THSD4: variants seen among roughly 807,000 people sequenced by gnomAD.
The protein encoded by THSD4 is thrombospondin type 1 domain containing 4.
Under a neutral mutation model 119.0 loss-of-function variants are expected in THSD4, and 69 were observed. That is an observed-to-expected ratio of 0.58 (90% CI 0.48 to 0.71). The LOEUF (loss-of-function observed/expected upper bound fraction) is 0.71, where lower values mean the gene tolerates loss of function less well. Among genes scored for constraint, THSD4 ranks in the 30% least tolerant of loss-of-function variants. The pLI, the probability that THSD4 is intolerant of heterozygous loss-of-function variation, is 0.00. For synonymous variants in THSD4, 524 were observed against 540.4 expected, an observed-to-expected ratio of 0.97 and a Z score of 0.42; for missense variants, 1,393 against 1,391.1, an observed-to-expected ratio of 1.00 and a Z score of -0.02.
At chr15:71,736,680 C>A (rs1377554901) in intron 10 of THSD4, among the ~76,000 whole-genome samples, 4 of 152,150 alleles carry the variant, frequency 2.6e-5, no homozygotes, top group African/African-American at 9.7e-5. Flanking sequence ...TCTCTCCTCT[C>A]TCTCTTTCTC....
In THSD4 at chr15:71,411,778, CT is replaced by C. The variant is rs1349946171; in HGVS notation, c.1108del (p.Cys370ValfsTer23). 1 of 1,614,152 alleles carries C rather than the reference CT, an allele frequency of 6.2e-7. No homozygotes were observed. Among genetic ancestry groups the C allele is most frequent in the African/African-American group, 1.3e-5 (1 of 75,048 alleles). On this transcript the variant is annotated frameshift_variant, in exon 7 of 18. Transcript: ENST00000261862. LOFTEE classifies it high-confidence loss of function. ...QAEKVIDGTP[C>X]DQNGTAICVS... ...CTGAGAAAGTCATCGATGGCACCCC[CT>C]GTGACCAGAACGGCACGGCCATCTG...
At chr15:71,758,216 C>A in intron 15 of THSD4, 141 bp downstream of exon 15, 1 of 1,081,768 alleles carries the variant, frequency 9.2e-7, no homozygotes, top group Non-Finnish European at 1.3e-6. Flanking sequence ...CCTGGAGAAG[C>A]TATTTATATT....
intron 8 of THSD4, among the ~76,000 whole-genome samples, chr15:71,719,284 C>T (rs1045024021): frequency 6.6e-6 from 1 of 152,174 alleles, no homozygotes; most frequent in African/African-American, 2.4e-5. Context: ...AAATGTGTTA[C>T]ATCATGTTTT....
At chr15:71,587,787 T>TAAAAAAAAAAAAAA (rs1207231444) in intron 7 of THSD4, among the ~76,000 whole-genome samples, 17 of 105,534 alleles carry the variant, frequency 1.6e-4, no homozygotes, top group African/African-American at 4.3e-4. Context: ...AAAAAAAAAT[T>TAAAAAAAAAAAAAA]AAAAAAAAAA....
chr15:71,514,750 G>A (rs964830179), intron 7 of THSD4, among the ~76,000 whole-genome samples: 1 of 152,128 alleles, frequency 6.6e-6, no homozygotes, highest in African/African-American at 2.4e-5. Flanking sequence ...TTGTTTTTCA[G>A]TAAATAAAAA....
chr15:71,336,109 C>A (rs934260907), intron 6 of THSD4, among the ~76,000 whole-genome samples: 1 of 152,222 alleles, frequency 6.6e-6, no homozygotes, highest in African/African-American at 2.4e-5. Context: ...CCCTGCTCAG[C>A]CAGCACATGT....
chr15:71,486,680 G>C (rs887705225), intron 7 of THSD4, among the ~76,000 whole-genome samples: 1 of 140,292 alleles, frequency 7.1e-6, no homozygotes, highest in Admixed American at 7.4e-5. Context: ...TTTAGAAATA[G>C]TTTTAAAAGC....
At chr15:71,341,706 G>A (rs776699196) in intron 6 of THSD4, 11 of 1,176,750 alleles carry the variant, frequency 9.3e-6, no homozygotes, top group Admixed American at 3.4e-5. Flanking sequence ...AGTGAATAGC[G>A]AACCATTTTC....
intron 6 of THSD4, among the ~76,000 whole-genome samples, chr15:71,389,419 A>G (rs970566093): frequency 1.2e-4 from 18 of 150,674 alleles, no homozygotes; most frequent in African/African-American, 4.1e-4. Context: ...ACTTAGCACA[A>G]TCACCTCAAG....
intron 6 of THSD4, among the ~76,000 whole-genome samples, chr15:71,262,159 A>G (rs900347009): frequency 1.3e-5 from 2 of 152,216 alleles, no homozygotes; most frequent in Non-Finnish European, 2.9e-5. Context: ...AAAGCGGAGT[A>G]TACTCTCTGA....
At chr15:71,335,254 T>A (rs764256633) in intron 6 of THSD4, among the ~76,000 whole-genome samples, 6 of 151,780 alleles carry the variant, frequency 4.0e-5, no homozygotes, top group Non-Finnish European at 7.4e-5. Context: ...CCCAGCAACT[T>A]CTTCTGCTTT....
At chr15:71,469,024 G>C (rs534551017) in intron 7 of THSD4, among the ~76,000 whole-genome samples, 1 of 152,314 alleles carries the variant, frequency 6.6e-6, no homozygotes, top group African/African-American at 2.4e-5. Flanking sequence ...AAGAAAGGGA[G>C]AATAAATATT....
At chr15:71,688,733 G>GTGTC (rs995157619) in intron 8 of THSD4, among the ~76,000 whole-genome samples, 1 of 151,088 alleles carries the variant, frequency 6.6e-6, no homozygotes, top group African/African-American at 2.4e-5. Context: ...GTGTGTGTGT[G>GTGTC]TGTGTGTGTC....
At chr15:71,768,093 GCTTT>G (rs2053745689) in intron 16 of THSD4, among the ~76,000 whole-genome samples, 1 of 152,064 alleles carries the variant, frequency 6.6e-6, no homozygotes, top group African/African-American at 2.4e-5. Context: ...AAGTGTTTAT[GCTTT>G]CTTTCTTAAA....
rs7176690 is a variant in THSD4 at position 71,442,632 on chromosome 15, A to G, written c.1152+30809A>G. Among the ~76,000 whole-genome samples the G allele has an allele frequency of 9.0e-4, 20 of 22,258 alleles. 1 individual carries two copies. The East Asian group carries it at 0.012, about 14-fold the overall frequency. 14.6% of individuals were successfully genotyped at this position (22,258 alleles called of 152,430 possible). On this transcript the variant is annotated intron_variant, in intron 7 of 17. Coordinates refer to ENST00000261862, the MANE Select transcript of THSD4 (RefSeq NM_024817.3). ...TGTGTGTGTGTGTATATATATATGT[A>G]TGTGTGTGTATATGTGTGTGTGTGT...
chr15:71,502,422 A>G (rs1198276240), intron 7 of THSD4, among the ~76,000 whole-genome samples: 2 of 152,234 alleles, frequency 1.3e-5, no homozygotes, highest in Non-Finnish European at 2.9e-5. Context: ...AAAACAATTT[A>G]GAGGTTATCA....
chr15:71,168,404 A>C (rs1348820565), intron 3 of THSD4, among the ~76,000 whole-genome samples: 1 of 152,222 alleles, frequency 6.6e-6, no homozygotes, highest in Admixed American at 6.5e-5. Context: ...AAAATCACAC[A>C]TACACTTTAA....
At chr15:71,122,722 C>T (rs1441623582) in intron 1 of THSD4, among the ~76,000 whole-genome samples, 1 of 152,208 alleles carries the variant, frequency 6.6e-6, no homozygotes, top group Admixed American at 6.5e-5. Context: ...TCATTTTGCT[C>T]CATCACGGTT....
intron 7 of THSD4, among the ~76,000 whole-genome samples, chr15:71,520,670 T>C (rs1267672858): frequency 6.6e-6 from 1 of 152,232 alleles, no homozygotes; most frequent in African/African-American, 2.4e-5. Flanking sequence ...GCTGAGCACT[T>C]GACATATAGT....
Sources: gnomAD v4.1 joint callset for allele counts (sites outside exome capture counted in the v4.1 genomes callset) on GRCh38, gnomAD v4.1.1 for gene constraint, MANE v1.5 for transcripts, NCBI Gene and HGNC (gene_info 2026-07-23, HGNC 2026-07-21) for gene names.